Variants in LRCOL1 observed in about 807,000 individuals in gnomAD.
The protein encoded by LRCOL1 is leucine-rich colipase-like protein 1.
Under a neutral mutation model 21.6 loss-of-function variants are expected in LRCOL1, and 21 were observed. The ratio of observed to expected loss-of-function variants is 0.97; its 90% CI spans 0.69 to 1.40. The LOEUF (loss-of-function observed/expected upper bound fraction) is 1.40. Ranked by LOEUF, LRCOL1 falls within the 40% of genes most tolerant of loss-of-function variation. The probability of loss-of-function intolerance (pLI) is 0.00; values close to 1 mark genes in which losing one functional copy is unlikely to be tolerated. For missense variants in LRCOL1, 198 were observed against 202.3 expected, an observed-to-expected ratio of 0.98 and a Z score of 0.13; for synonymous variants, 98 against 90.1, an observed-to-expected ratio of 1.09 and a Z score of -0.49.
rs902472637 is a variant in LRCOL1 at position 132,603,279 on chromosome 12, C to A, written c.*123G>T. The A allele has an allele frequency of 4.2e-6, 6 of 1,413,496 alleles. No homozygotes were observed. The African/African-American group carries it at 8.6e-5, about 20-fold the overall frequency. The allele number at this position is 1,413,496 out of a possible 1,614,324, so 87.6% of individuals were successfully genotyped here. A position where few individuals can be genotyped will look rare whatever the true frequency, so the allele number is the denominator to read the frequency against. ...TTTCAGTTCCCACAGATTTTCAGAGCCCCAGAAACAGCAGCACAAACCGTA... is the reference window on the plus strand; with the variant it reads ...TTTCAGTTCCCACAGATTTTCAGAGACCCAGAAACAGCAGCACAAACCGTA... On this transcript the variant is annotated 3_prime_UTR_variant, in exon 6 of 6. Coordinates refer to ENST00000376608, the MANE Select transcript of LRCOL1 (RefSeq NM_001195520.2).
chr12:132,606,908 A>G lies in LRCOL1; in HGVS notation c.-13-644T>C, dbSNP rs1488742109. ...ATGGAAAATGGATTTTTTTTAACAC[A>G]TCGAGGCAAAACGTGAAAAATGGAT... On this transcript the variant is annotated intron_variant, in intron 1 of 5. Transcript: ENST00000376608. This position sits in a 1 kb window ranked among gnomAD's most constrained non-coding sequence, Gnocchi z 4.6. 7.3e-6 allele frequency among the ~76,000 whole-genome samples: 1 copy of G among 137,116 alleles called. No individual in the cohort carries two copies. Among genetic ancestry groups the G allele is most frequent in the African/African-American group, 2.5e-5 (1 of 40,414 alleles). 90.0% of individuals were successfully genotyped at this position (137,116 alleles called of 152,430 possible). A position where few individuals can be genotyped will look rare whatever the true frequency, so the allele number is the denominator to read the frequency against.
At position 132,606,534 on chromosome 12, in the gene LRCOL1, A is replaced by G. The variant is rs1337436056; in HGVS notation, c.-13-270T>C. On this transcript the variant is annotated intron_variant, in intron 1 of 5. Transcript: ENST00000376608. This position sits in a 1 kb window ranked among gnomAD's most constrained non-coding sequence, Gnocchi z 4.6. Reference sequence around the variant, plus strand: ...CTGCACTCGTGTGACACATCTGTCCACCATTGATAGACCCACAGGGACGTG... The same window carrying G: ...CTGCACTCGTGTGACACATCTGTCCGCCATTGATAGACCCACAGGGACGTG... Among the ~76,000 whole-genome samples, 6 of 152,174 alleles carry G rather than the reference A, an allele frequency of 3.9e-5. No homozygotes were observed. The highest frequency in any genetic ancestry group is 1.4e-4 in the African/African-American group (6 of 41,424).
intron 1 of LRCOL1, among the ~76,000 whole-genome samples, chr12:132,607,252 G>C (rs1207207845): frequency 6.6e-6 from 1 of 152,194 alleles, no homozygotes; most frequent in African/African-American, 2.4e-5. Flanking sequence ...GTCATTAGGA[G>C]GGTCTCTCTT....
chr12:132,609,355 G>A (rs1276095265), intron 1 of LRCOL1, among the ~76,000 whole-genome samples: 1 of 152,214 alleles, frequency 6.6e-6, no homozygotes, highest in African/African-American at 2.4e-5. Flanking sequence ...AGTGATGGCT[G>A]CACGGCAACG....
chr12:132,609,922 C>G (rs1189753510), intron 1 of LRCOL1, among the ~76,000 whole-genome samples: 2 of 152,196 alleles, frequency 1.3e-5, no homozygotes, highest in Non-Finnish European at 2.9e-5. Context: ...TTATCAATAT[C>G]TAGTTTGTTT....
chr12:132,603,718 C>T (rs1353693521), intron 5 of LRCOL1: 1 of 985,342 alleles, frequency 1.0e-6, no homozygotes, highest in African/African-American at 1.7e-5. Context: ...GAGCTCTGGG[C>T]TCCAGCAAAC....
chr12:132,606,032 T>C lies in LRCOL1; in HGVS notation c.105+115A>G, dbSNP rs1344305162. The C allele has an allele frequency of 1.1e-6, 1 of 941,756 alleles. No individual in the cohort carries two copies. The highest frequency in any genetic ancestry group is 1.6e-5 in the African/African-American group (1 of 60,884). 58.3% of individuals were successfully genotyped at this position (941,756 alleles called of 1,614,324 possible). ...GCTTTGTGTCCCTTTGAGACCCTCC[T>C]GACGGAAAGTGGCAGCCCTCGCGGG... On this transcript the variant is annotated intron_variant, in intron 2 of 5. Coordinates refer to ENST00000376608, the MANE Select transcript of LRCOL1 (RefSeq NM_001195520.2). This position sits in a 1 kb window ranked among gnomAD's most constrained non-coding sequence, Gnocchi z 4.6.
At chr12:132,605,120 G>C in intron 2 of LRCOL1, 1 of 1,202,818 alleles carries the variant, frequency 8.3e-7, no homozygotes. Flanking sequence ...TCTCAGGCCA[G>C]CCCAGTGCCT....
At chr12:132,608,150 C>T (rs1593654231) in intron 1 of LRCOL1, among the ~76,000 whole-genome samples, 1 of 152,212 alleles carries the variant, frequency 6.6e-6, no homozygotes, top group South Asian at 2.1e-4. Context: ...CTGGGGAAGC[C>T]GCAGCAGATC....
chr12:132,606,088 G>A lies in LRCOL1; in HGVS notation c.105+59C>T, dbSNP rs2041305390. The A allele has an allele frequency of 3.3e-6, 5 of 1,505,346 alleles. No individual in the cohort carries two copies. The highest frequency in any genetic ancestry group is 1.2e-5 in the South Asian group (1 of 83,212). 93.2% of individuals were successfully genotyped at this position (1,505,346 alleles called of 1,614,324 possible). ...ACTGCAAGGGCCTCAGGGGCGCCCG[G>A]CACCCACCTTATGGCGCGTGTGGGG... On this transcript the variant is annotated intron_variant, in intron 2 of 5. Transcript: ENST00000376608. The surrounding 1 kb of genome is among the most constrained non-coding windows in gnomAD (Gnocchi z 4.6).
intron 1 of LRCOL1, among the ~76,000 whole-genome samples, chr12:132,608,003 CTGTCTCTCTCTGT>C (rs1176813963): frequency 6.6e-6 from 1 of 152,086 alleles, no homozygotes. Flanking sequence ...CTCTCTGTCT[CTGTCTCTCTCTGT>C]CTCTGTCTCT....
chr12:132,608,801 A>G (rs2041343646), intron 1 of LRCOL1, among the ~76,000 whole-genome samples: 2 of 152,260 alleles, frequency 1.3e-5, no homozygotes, highest in Admixed American at 1.3e-4. Context: ...CTAAATTTCA[A>G]GCTTGCAGTA....
rs2041306696 is a variant in LRCOL1 at position 132,606,151 on chromosome 12, T to C, written c.101A>G (p.His34Arg). Residue 34 changes from histidine (H) to arginine (R), a missense_variant, in exon 2 of 6, where the codon CAT becomes CGT. His to Arg is a conservative substitution (Grantham distance 29, BLOSUM62 0). Coordinates refer to ENST00000376608, the MANE Select transcript of LRCOL1 (RefSeq NM_001195520.2). The surrounding 1 kb of genome is among the most constrained non-coding windows in gnomAD (Gnocchi z 4.6). ...TCAGGGGTGCCCGGCACCCACCTTATGGGACAGGTTCAACTTCTTCTGTGG... is the reference window on the plus strand; with the variant it reads ...TCAGGGGTGCCCGGCACCCACCTTACGGGACAGGTTCAACTTCTTCTGTGG... ...YGPQKKLNLS[H>R]KGIGEPCRRH... 1.3e-6 allele frequency: 2 copies of C among 1,536,130 alleles called. No homozygotes were observed. Among genetic ancestry groups the C allele is most frequent in the African/African-American group, 2.7e-5 (2 of 73,034 alleles).
At position 132,603,756 on chromosome 12, in the gene LRCOL1, G is replaced by A. The variant is rs369626691; in HGVS notation, c.478-352C>T. The A allele has an allele frequency of 5.6e-5, 55 of 985,422 alleles. 2 individuals carry two copies. The South Asian group carries it at 2.0e-3, about 36-fold the overall frequency. The allele number at this position is 985,422 out of a possible 1,614,324, so 61.0% of individuals were successfully genotyped here. A position where few individuals can be genotyped will look rare whatever the true frequency, so the allele number is the denominator to read the frequency against. ...GCACTTGCGCCCCCACCGCGTTTGC[G>A]CCGCTGGCGACCTGGCCCCCTCCCC... On this transcript the variant is annotated intron_variant, in intron 5 of 5. Transcript: ENST00000376608.
chr12:132,608,531 C>T (rs2041340308), intron 1 of LRCOL1, among the ~76,000 whole-genome samples: 1 of 152,200 alleles, frequency 6.6e-6, no homozygotes, highest in African/African-American at 2.4e-5. Context: ...ATCAGGCAAA[C>T]TTAGTAAGCC....
At chr12:132,605,182 G>C in intron 2 of LRCOL1, 1 of 967,018 alleles carries the variant, frequency 1.0e-6, no homozygotes, top group Non-Finnish European at 1.2e-6. Context: ...AAGGTGCCCA[G>C]GATTGCACAG....
rs11146963 is a variant in LRCOL1, at chr12:132,604,813, T to G, written c.124A>C (p.Arg42=). The part of the protein sequence containing the change: ...LSHKGIGEPC[R]RHEECQSNCC... The stretch of plus-strand genomic sequence containing the variant: ...TTGCTCTGGCACTCCTCGTGTCTCC[T>G]GCATGGCTCCCCGATGCCCTGAAAC... The change falls in exon 3 of 6, where the codon AGG becomes CGG. Residue 42 remains arginine (R), a synonymous_variant. Coordinates refer to ENST00000376608, the MANE Select transcript of LRCOL1 (RefSeq NM_001195520.2). 9 of 1,535,920 alleles carry G rather than the reference T, an allele frequency of 5.9e-6. No individual in the cohort carries two copies. The Admixed American group carries it at 9.8e-5, about 17-fold the overall frequency.
chr12:132,607,996 T>TCTGTCTCC (rs2041334608), intron 1 of LRCOL1, among the ~76,000 whole-genome samples: 1 of 132,296 alleles, frequency 7.6e-6, no homozygotes, highest in Non-Finnish European at 1.7e-5. Flanking sequence ...TCTGTCTCTC[T>TCTGTCTCC]CTGTCTCTGT....
chr12:132,604,501 C>A lies in LRCOL1; in HGVS notation c.315G>T (p.Thr105=), dbSNP rs773963693. The change falls in exon 4 of 6, where the codon ACG becomes ACT. Residue 105 remains threonine, a synonymous_variant. Transcript: ENST00000376608. ...VRNNSPQELC[T]PQSVFLQCVP... ...CACACTGCAGGAAGACGCTTTGGGG[C>A]GTGCACAACTCCTGCGGGCTGTTGT... 1.3e-6 allele frequency: 2 copies of A among 1,535,956 alleles called. No homozygotes were observed. Among genetic ancestry groups the A allele is most frequent in the Non-Finnish European group, 1.7e-6 (2 of 1,146,862 alleles).
Sources: allele counts gnomAD v4.1 joint callset (sites outside exome capture counted in the v4.1 genomes callset), GRCh38; gene constraint gnomAD v4.1.1; non-coding constraint Gnocchi (gnomAD v3.1); transcripts MANE v1.5; gene names NCBI Gene and HGNC (gene_info 2026-07-23, HGNC 2026-07-21).